LIPC: variants seen among roughly 807,000 people sequenced by gnomAD.
The protein encoded by LIPC is hepatic triacylglycerol lipase.
Under a neutral mutation model 50.7 loss-of-function variants are expected in LIPC, and 44 were observed. The observed-to-expected ratio is 0.87, with a 90% CI of 0.68 to 1.11. LIPC has a LOEUF of 1.11. Ranked by LOEUF, LIPC falls within the 50% of genes most tolerant of loss-of-function variation. LIPC has a pLI of 0.00. For missense variants in LIPC, 697 were observed against 648.2 expected (o/e 1.08, Z -0.82); for synonymous variants, 271 against 256.4 (o/e 1.06, Z -0.54).
chr15:58,525,354 G>A (rs951801300), intron 1 of LIPC, among the ~76,000 whole-genome samples: 4 of 152,322 alleles, frequency 2.6e-5, no homozygotes, highest in East Asian at 1.9e-4. Context: ...TTTACGGTAC[G>A]TGTTAGTATG....
intron 1 of LIPC, among the ~76,000 whole-genome samples, chr15:58,438,288 T>C (rs1348562041): frequency 6.6e-6 from 1 of 151,876 alleles, no homozygotes; most frequent in African/African-American, 2.4e-5. Context: ...CATTTCATCA[T>C]GAGGGGAATG....
chr15:58,541,255 CTA>C (rs1893310579), intron 2 of LIPC, among the ~76,000 whole-genome samples: 1 of 152,096 alleles, frequency 6.6e-6, no homozygotes, highest in African/African-American at 2.4e-5. Context: ...TTACCTCCTA[CTA>C]TGTCAGGCTC....
At chr15:58,453,587 T>C (rs941088715) in intron 1 of LIPC, among the ~76,000 whole-genome samples, 75 of 152,150 alleles carry the variant, frequency 4.9e-4, no homozygotes, top group African/African-American at 1.8e-3. Context: ...CCCCAGTTGC[T>C]GGCAACTCTC....
At chr15:58,552,405 G>A (rs1893795342) in intron 6 of LIPC, among the ~76,000 whole-genome samples, 1 of 152,168 alleles carries the variant, frequency 6.6e-6, no homozygotes. Flanking sequence ...CAAGGCCCTC[G>A]ACTGAGTGCC....
At chr15:58,555,677 A>T (rs1217866611) in intron 6 of LIPC, among the ~76,000 whole-genome samples, 1 of 152,010 alleles carries the variant, frequency 6.6e-6, no homozygotes, top group Admixed American at 6.6e-5. Flanking sequence ...AGCAAGTGGG[A>T]CTCCTTACAA....
chr15:58,540,848 G>T (rs771646349), intron 2 of LIPC, among the ~76,000 whole-genome samples: 3 of 152,124 alleles, frequency 2.0e-5, no homozygotes, highest in Non-Finnish European at 4.4e-5. Context: ...CTATCGCCCA[G>T]GCTGGAGGGC....
At chr15:58,506,940 C>T (rs1892170543) in intron 1 of LIPC, among the ~76,000 whole-genome samples, 1 of 152,190 alleles carries the variant, frequency 6.6e-6, no homozygotes, top group Admixed American at 6.5e-5. Context: ...AGGAAGCAAA[C>T]ACATCCTTCC....
rs1566904189 is a variant in LIPC, at chr15:58,432,123, A to G, written c.88+3A>G. 1 of 1,606,992 alleles carries G rather than the reference A, an allele frequency of 6.2e-7. No individual in the cohort carries two copies. Among genetic ancestry groups the G allele is most frequent in the Non-Finnish European group, 8.5e-7 (1 of 1,173,604 alleles). On this transcript the variant is annotated splice_donor_region_variant and intron_variant, in intron 1 of 8. Transcript: ENST00000299022. ...CCTTGGACAAAGCCTGAAACCAGGT[A>G]AGAGCCTGACTTTTCTCCAGAGATG...
rs79163578 is a variant in LIPC at position 58,555,574 on chromosome 15, C to T, written c.1052-5290C>T. 2.1e-3 allele frequency among the ~76,000 whole-genome samples: 318 copies of T among 152,366 alleles called. 1 individual carries two copies. Among genetic ancestry groups the T allele is most frequent in the South Asian group, 9.1e-3 (44 of 4,826 alleles). ...ATAACTATAGGTCTCCAAACCTCCACTTCCTTATTTATATTCACCAGGATA... is the reference window on the plus strand; with the variant it reads ...ATAACTATAGGTCTCCAAACCTCCATTTCCTTATTTATATTCACCAGGATA... On this transcript the variant is annotated intron_variant, in intron 6 of 8. Transcript: ENST00000299022.
chr15:58,488,976 T>TA (rs1374600971), intron 1 of LIPC, among the ~76,000 whole-genome samples: 1 of 152,100 alleles, frequency 6.6e-6, no homozygotes, highest in Non-Finnish European at 1.5e-5. Context: ...GATGGCTACT[T>TA]AATAAAGCTG....
At chr15:58,448,776 T>TAATATGGATTCAGTGA (rs1475894194) in intron 1 of LIPC, among the ~76,000 whole-genome samples, 2 of 152,238 alleles carry the variant, frequency 1.3e-5, no homozygotes, top group East Asian at 3.8e-4. Context: ...ATCACACAGC[T>TAATATGGATTCAGTGA]AATATGGATT....
At chr15:58,464,804 C>G (rs1894480288) in intron 1 of LIPC, among the ~76,000 whole-genome samples, 1 of 152,160 alleles carries the variant, frequency 6.6e-6, no homozygotes, top group South Asian at 2.1e-4. Flanking sequence ...GAAACTCGGT[C>G]TGTACTAAAA....
intron 4 of LIPC, among the ~76,000 whole-genome samples, chr15:58,544,292 C>A (rs1267767795): frequency 6.6e-6 from 1 of 152,160 alleles, no homozygotes; most frequent in African/African-American, 2.4e-5. Context: ...GGCCCACCCA[C>A]CTCAGAGACA....
intron 1 of LIPC, among the ~76,000 whole-genome samples, chr15:58,438,299 C>T (rs588136): frequency 0.7 from 106,257 of 151,848 alleles, 38,192 homozygotes; most frequent in Middle Eastern, 0.79. Flanking sequence ...GAGGGGAATG[C>T]AACCACCCAG....
intron 1 of LIPC, among the ~76,000 whole-genome samples, chr15:58,472,780 C>A (rs1368274831): frequency 6.6e-6 from 1 of 152,186 alleles, no homozygotes; most frequent in Non-Finnish European, 1.5e-5. Flanking sequence ...TACTCACCCA[C>A]TGTATTCCAT....
In LIPC at chr15:58,439,668, T is replaced by C. The variant is rs944220165; in HGVS notation, c.88+7548T>C. 5.9e-5 allele frequency among the ~76,000 whole-genome samples: 9 copies of C among 152,284 alleles called. 1 individual carries two copies. Among genetic ancestry groups the C allele is most frequent in the African/African-American group, 7.2e-5 (3 of 41,570 alleles). On this transcript the variant is annotated intron_variant, in intron 1 of 8. Transcript: ENST00000299022. Reference sequence around the variant, plus strand: ...CATGTTGGCCAGGCTGGTCTCGAACTCTTGACTTCGTGATCTGCCCGCCTC... The same window carrying C: ...CATGTTGGCCAGGCTGGTCTCGAACCCTTGACTTCGTGATCTGCCCGCCTC...
At chr15:58,544,049 C>T (rs879851675) in intron 4 of LIPC, among the ~76,000 whole-genome samples, 4 of 152,212 alleles carry the variant, frequency 2.6e-5, no homozygotes, top group Non-Finnish European at 4.4e-5. Context: ...ATTATGACAG[C>T]TCATTTCCTC....
intron 1 of LIPC, among the ~76,000 whole-genome samples, chr15:58,488,900 G>T (rs1364915708): frequency 6.6e-6 from 1 of 152,150 alleles, no homozygotes; most frequent in African/African-American, 2.4e-5. Flanking sequence ...GGGAGTTCTG[G>T]TTTAATCACT....
intron 1 of LIPC, among the ~76,000 whole-genome samples, chr15:58,519,663 C>T (rs748520030): frequency 2.6e-5 from 4 of 152,212 alleles, no homozygotes; most frequent in Non-Finnish European, 4.4e-5. Context: ...CAGAGCTCTT[C>T]ATCAATAGAC....
Sources: gnomAD v4.1 joint callset for allele counts (sites outside exome capture counted in the v4.1 genomes callset) on GRCh38, gnomAD v4.1.1 for gene constraint, MANE v1.5 for transcripts, NCBI Gene and HGNC (gene_info 2026-07-23, HGNC 2026-07-21) for gene names.